ZEB2: variants seen among roughly 807,000 people sequenced by gnomAD.
ZEB2 encodes the protein zinc finger E-box binding homeobox 2.
Under a neutral mutation model 99.9 loss-of-function variants are expected in ZEB2, and 6 were observed. That is an observed-to-expected ratio of 0.06 (90% CI 0.03 to 0.12). ZEB2 has a LOEUF of 0.12. ZEB2 is among the 10% of genes least tolerant of loss of function. ZEB2 has a pLI of 1.00. For missense variants in ZEB2, 969 were observed against 1,502.8 expected (o/e 0.64, Z 5.87); for synonymous variants, 517 against 542.5 (o/e 0.95, Z 0.65).
chr2:144,506,872 A>G (rs556258325), intron 2 of ZEB2, among the ~76,000 whole-genome samples: 74 of 152,288 alleles, frequency 4.9e-4, no homozygotes, highest in Non-Finnish European at 9.0e-4. Context: ...AAAAATCACT[A>G]TGTTGTCTAT....
chr2:144,518,691 A>G (rs1705212277), intron 1 of ZEB2: 1 of 152,142 alleles, frequency 6.6e-6, no homozygotes, highest in African/African-American at 2.4e-5. Context: ...ATAGTAGGAG[A>G]CTTTTAAGTT....
Position 144,424,722 on chromosome 2 carries a change from T to C in ZEB2, c.403+74A>G. The C allele has an allele frequency of 4.5e-6, 7 of 1,543,348 alleles. No homozygotes were observed. The South Asian group carries it at 6.7e-5, about 15-fold the overall frequency. Reference sequence around the variant, plus strand: ...ATGGAGATACAAATGGATGTGTCACTGTTTCCTTCCCTGCCTCACTAAACC... The same window carrying C: ...ATGGAGATACAAATGGATGTGTCACCGTTTCCTTCCCTGCCTCACTAAACC... On this transcript the variant is annotated intron_variant, in intron 4 of 9. Transcript: ENST00000627532.
Position 144,410,560 on chromosome 2 carries a change from T to A in ZEB2, c.404-5536A>T, listed in dbSNP as rs185817811. 4.2e-3 allele frequency among the ~76,000 whole-genome samples: 633 copies of A among 152,304 alleles called. 3 individuals are homozygous for A. Among genetic ancestry groups the A allele is most frequent in the South Asian group, 0.01 (49 of 4,824 alleles). On this transcript the variant is annotated intron_variant, in intron 4 of 9. Coordinates refer to ENST00000627532, the MANE Select transcript of ZEB2 (RefSeq NM_014795.4). ...CATAATCAAGTTGCTTTAGAATACT[T>A]TCTCAAAGATACTTAAAAGTGGGCT...
Position 144,429,702 on chromosome 2 carries a change from G to C in ZEB2, c.331+67C>G, listed in dbSNP as rs772845118. ...TTATTTGGTTGTGGGCGATCTGCTA[G>C]GTGGAACAGATTAGTTGAAGATGTG... On this transcript the variant is annotated intron_variant, in intron 3 of 9. Coordinates refer to ENST00000627532, the MANE Select transcript of ZEB2 (RefSeq NM_014795.4). 1.9e-6 allele frequency: 3 copies of C among 1,609,882 alleles called. No homozygotes were observed. In the South Asian group the frequency reaches 3.3e-5, roughly 18 times the overall value.
At chr2:144,475,049 A>C (rs1353294486) in intron 2 of ZEB2, among the ~76,000 whole-genome samples, 5 of 152,248 alleles carry the variant, frequency 3.3e-5, no homozygotes, top group Non-Finnish European at 5.9e-5. Context: ...TTTGTAAGAT[A>C]ATATAAAACC....
intron 1 of ZEB2, chr2:144,519,446 T>A: frequency 6.5e-6 from 1 of 153,814 alleles, no homozygotes; most frequent in Non-Finnish European, 1.4e-5. Context: ...CTGCCATGTC[T>A]AAGAGAAAGA....
chr2:144,487,633 G>C (rs1228792019), intron 2 of ZEB2, among the ~76,000 whole-genome samples: 6 of 152,110 alleles, frequency 3.9e-5, no homozygotes, highest in Non-Finnish European at 8.8e-5. Context: ...AGCTTACTAG[G>C]TTTTCAAATG....
At chr2:144,462,078 G>GA (rs1216915640) in intron 2 of ZEB2, 2 of 149,010 alleles carry the variant, frequency 1.3e-5, no homozygotes, top group African/African-American at 5.2e-5. Flanking sequence ...AGGGTAAGGA[G>GA]GGGGGACAGG....
At position 144,398,814 on chromosome 2, in the gene ZEB2, T is replaced by G; in HGVS notation, c.2373A>C (p.Thr791=). ...AACTACTGTGGGAGTTTTTAGAAGATGTGGAGGAAAGATTTAAGGGAGAAG... is the reference window on the plus strand; with the variant it reads ...AACTACTGTGGGAGTTTTTAGAAGAGGTGGAGGAAAGATTTAAGGGAGAAG... ...NTPSPLNLSS[T]SSKNSHSSSY... The change falls in exon 8 of 10, where the codon ACA becomes ACC. Residue 791 remains threonine (T), a synonymous_variant. Transcript: ENST00000627532. 1.9e-6 allele frequency: 3 copies of G among 1,614,020 alleles called. No homozygotes were observed. Among genetic ancestry groups the G allele is most frequent in the Non-Finnish European group, 2.5e-6 (3 of 1,179,998 alleles).
At chr2:144,397,038 C>T (rs1703238978) in intron 8 of ZEB2, among the ~76,000 whole-genome samples, 1 of 152,162 alleles carries the variant, frequency 6.6e-6, no homozygotes, top group South Asian at 2.1e-4. Context: ...ATTATGCAAT[C>T]TATTTAAATG....
At chr2:144,440,627 A>C (rs1307412859) in intron 2 of ZEB2, among the ~76,000 whole-genome samples, 1 of 151,206 alleles carries the variant, frequency 6.6e-6, no homozygotes, top group Non-Finnish European at 1.5e-5. Context: ...GGCCAGAACA[A>C]TTGAGTCACA....
At chr2:144,441,270 C>T (rs934574028) in intron 2 of ZEB2, among the ~76,000 whole-genome samples, 1 of 151,460 alleles carries the variant, frequency 6.6e-6, no homozygotes, top group African/African-American at 2.4e-5. Context: ...CCCTTCCCTG[C>T]CGCCTTCTGT....
intron 9 of ZEB2, among the ~76,000 whole-genome samples, chr2:144,390,790 T>G (rs555065670): frequency 6.6e-6 from 1 of 152,316 alleles, no homozygotes; most frequent in South Asian, 2.1e-4. Context: ...CCAGGCAGTT[T>G]CTAACCAGTG....
At chr2:144,490,955 A>C (rs528424867) in intron 2 of ZEB2, among the ~76,000 whole-genome samples, 27 of 152,382 alleles carry the variant, frequency 1.8e-4, no homozygotes, top group African/African-American at 6.5e-4. Context: ...CTGAGTAGGC[A>C]TTGACTTGAT....
chr2:144,397,846 G>A (rs1490802689), intron 8 of ZEB2: 6 of 298,848 alleles, frequency 2.0e-5, no homozygotes, highest in South Asian at 6.0e-5. Context: ...TTACCATGTT[G>A]GCCAGGCTGG....
At chr2:144,452,267 T>C (rs942037771) in intron 2 of ZEB2, among the ~76,000 whole-genome samples, 2 of 152,134 alleles carry the variant, frequency 1.3e-5, no homozygotes, top group African/African-American at 4.8e-5. Flanking sequence ...TCCGATAACT[T>C]TTCTGTACCA....
intron 2 of ZEB2, chr2:144,512,484 A>G: frequency 7.8e-7 from 1 of 1,287,220 alleles, no homozygotes; most frequent in Non-Finnish European, 1.0e-6. Context: ...ATTTTCTTTA[A>G]GCAAATTAAG....
At chr2:144,512,605 G>A in intron 2 of ZEB2, 1 of 1,287,158 alleles carries the variant, frequency 7.8e-7, no homozygotes, top group African/African-American at 1.5e-5. Flanking sequence ...ATTTGTATCT[G>A]GTAACAGAGA....
intron 2 of ZEB2, chr2:144,513,730 C>A (rs1177625830): frequency 1.3e-6 from 2 of 1,536,042 alleles, no homozygotes; most frequent in South Asian, 1.2e-5. Flanking sequence ...AAGTTACAAA[C>A]GGGCCGCACC....
Sources: gnomAD v4.1 joint callset for allele counts (sites outside exome capture counted in the v4.1 genomes callset) on GRCh38, gnomAD v4.1.1 for gene constraint, MANE v1.5 for transcripts, NCBI Gene and HGNC (gene_info 2026-07-23, HGNC 2026-07-21) for gene names.